SLC22A9: variants seen among roughly 807,000 people sequenced by gnomAD.
The protein encoded by SLC22A9 is solute carrier family 22 member 9.
A neutral mutation model predicts 50.1 loss-of-function variants in SLC22A9; 64 were observed. That is an observed-to-expected ratio of 1.28 (90% CI 1.04 to 1.57). The LOEUF (loss-of-function observed/expected upper bound fraction) is 1.57. Among genes scored for constraint, SLC22A9 ranks in the 40% most tolerant of loss-of-function variants. The pLI, the probability that SLC22A9 is intolerant of heterozygous loss-of-function variation, is 0.00. For missense variants in SLC22A9, 757 were observed against 676.1 expected (o/e 1.12, Z -1.33); for synonymous variants, 261 against 242.5 (o/e 1.08, Z -0.71).
At chr11:63,389,407 C>T (rs1027546012) in intron 6 of SLC22A9, among the ~76,000 whole-genome samples, 6 of 151,984 alleles carry the variant, frequency 3.9e-5, no homozygotes, top group East Asian at 3.9e-4. Flanking sequence ...GTTCAACTCC[C>T]GCTTATGAGC....
rs2015111004 is a variant in SLC22A9 at position 63,409,951 on chromosome 11, A to C, written c.*89A>C. 1 of 1,479,764 alleles carries C rather than the reference A, an allele frequency of 6.8e-7. No homozygotes were observed. The allele number at this position is 1,479,764 out of a possible 1,614,324, so 91.7% of individuals were successfully genotyped here. ...AGACACTAGCAAAATCTAGAAAATA[A>C]ATAACAAGGCTGGGTGCGGTGGCTC... On this transcript the variant is annotated 3_prime_UTR_variant, in exon 10 of 10. Coordinates refer to ENST00000279178, the MANE Select transcript of SLC22A9 (RefSeq NM_080866.3).
Position 63,369,958 on chromosome 11 carries a change from A to T in SLC22A9, c.-99A>T. 2.4e-6 allele frequency: 3 copies of T among 1,224,920 alleles called. No individual in the cohort carries two copies. The highest frequency in any genetic ancestry group is 3.4e-6 in the Non-Finnish European group (3 of 881,232). The allele number at this position is 1,224,920 out of a possible 1,614,324, so 75.9% of individuals were successfully genotyped here. A position where few individuals can be genotyped will look rare whatever the true frequency, so the allele number is the denominator to read the frequency against. ...AAGAGAGTGGGGTCAGGATCAAAAC[A>T]CATTTAGTGTGACTTAGGGAAAGAA... On this transcript the variant is annotated 5_prime_UTR_variant, in exon 1 of 10. Transcript: ENST00000279178.
At position 63,406,517 on chromosome 11, in the gene SLC22A9, A is replaced by G. The variant is rs1450881799; in HGVS notation, c.1094A>G (p.Tyr365Cys). 1.2e-6 allele frequency: 2 copies of G among 1,613,432 alleles called. No homozygotes were observed. The highest frequency in any genetic ancestry group is 2.7e-5 in the African/African-American group (2 of 74,844). ...SFTRFANFMA[Y>C]FGLNLHVQHL... ...CACAGATTTGCAAACTTTATGGCCT[A>G]TTTTGGCCTTAATCTCCATGTCCAG... Residue 365 changes from tyrosine (Y) to cysteine (C), a missense_variant, in exon 7 of 10, where the codon TAT (tyrosine) becomes TGT (cysteine). Tyr to Cys is a radical substitution (Grantham distance 194, BLOSUM62 -2). Transcript: ENST00000279178.
intron 5 of SLC22A9, among the ~76,000 whole-genome samples, chr11:63,381,561 C>T (rs1182450914): frequency 2.0e-5 from 3 of 152,090 alleles, no homozygotes; most frequent in Non-Finnish European, 4.4e-5. Context: ...AATCAAGTAA[C>T]TCAGTTCTTT....
At chr11:63,387,995 G>A (rs2014698623) in intron 6 of SLC22A9, among the ~76,000 whole-genome samples, 1 of 151,918 alleles carries the variant, frequency 6.6e-6, no homozygotes. Flanking sequence ...TGTTGATTTT[G>A]TATCCTGCAG....
At chr11:63,385,478 G>A (rs1409781128) in intron 6 of SLC22A9, among the ~76,000 whole-genome samples, 1 of 151,970 alleles carries the variant, frequency 6.6e-6, no homozygotes, top group Non-Finnish European at 1.5e-5. Context: ...TTGAGCAGTG[G>A]TTTGTAGTTC....
At chr11:63,405,941 C>T (rs565695986) in intron 6 of SLC22A9, among the ~76,000 whole-genome samples, 2 of 152,288 alleles carry the variant, frequency 1.3e-5, no homozygotes, top group Admixed American at 1.3e-4. Flanking sequence ...CATCGTCTTA[C>T]CATCATTTTA....
Position 63,370,227 on chromosome 11 carries a change from C to T in SLC22A9, c.171C>T (p.Asp57=). Residue 57 remains aspartate, a synonymous_variant, in exon 1 of 10, where the codon GAC becomes GAT. Coordinates refer to ENST00000279178, the MANE Select transcript of SLC22A9 (RefSeq NM_080866.3). ...HRCWVHILDN[D]TVSDNDTGAL... ...GCTGGGTCCACATCCTGGACAATGA[C>T]ACTGTCTCTGACAATGACACTGGGG... 1 of 1,614,084 alleles carries T rather than the reference C, an allele frequency of 6.2e-7. No homozygotes were observed. Among genetic ancestry groups the T allele is most frequent in the South Asian group, 1.1e-5 (1 of 91,080 alleles).
intron 2 of SLC22A9, 56 bp from the exon 3 acceptor site, chr11:63,373,588 A>G: frequency 6.9e-7 from 1 of 1,452,104 alleles, no homozygotes; most frequent in Non-Finnish European, 9.1e-7. Flanking sequence ...TCTCTTTGCT[A>G]AGTTTTTCCA....
Position 63,407,596 on chromosome 11 carries a change from T to C in SLC22A9, c.1289-516T>C, listed in dbSNP as rs191414574. On this transcript the variant is annotated intron_variant, in intron 7 of 9. Transcript: ENST00000279178. The stretch of plus-strand genomic sequence containing the variant: ...TTCCTCTTTTCGAGGTCCTTATTCC[T>C]AATCCTTAAAACATTAATACTCTCT... Among the ~76,000 whole-genome samples, 20 of 152,322 alleles carry C rather than the reference T, an allele frequency of 1.3e-4. No homozygotes were observed. The East Asian group carries it at 2.7e-3, about 21-fold the overall frequency.
At chr11:63,377,714 C>G (rs1263150809) in intron 5 of SLC22A9, among the ~76,000 whole-genome samples, 5 of 151,932 alleles carry the variant, frequency 3.3e-5, no homozygotes, top group Non-Finnish European at 5.9e-5. Flanking sequence ...CAAAGCTGAA[C>G]TGAGTGAAAT....
intron 6 of SLC22A9, among the ~76,000 whole-genome samples, chr11:63,401,017 C>G (rs753289725): frequency 6.6e-6 from 1 of 151,942 alleles, no homozygotes; most frequent in African/African-American, 2.4e-5. Flanking sequence ...ACAATAAGAT[C>G]ATATGTAACA....
chr11:63,395,108 T>A (rs912998965), intron 6 of SLC22A9, among the ~76,000 whole-genome samples: 5 of 152,160 alleles, frequency 3.3e-5, no homozygotes, highest in African/African-American at 1.2e-4. Context: ...TTTTTCTTTA[T>A]GCTATCTATT....
At chr11:63,395,295 G>A (rs2014833994) in intron 6 of SLC22A9, among the ~76,000 whole-genome samples, 1 of 151,970 alleles carries the variant, frequency 6.6e-6, no homozygotes, top group Non-Finnish European at 1.5e-5. Context: ...GTGTAATGTT[G>A]GGGGGTTGTT....
chr11:63,374,987 GAAAGACAT>G (rs2014435234), intron 4 of SLC22A9, among the ~76,000 whole-genome samples: 6 of 152,250 alleles, frequency 3.9e-5, no homozygotes, highest in African/African-American at 1.4e-4. Context: ...CCAGTTCAGT[GAAAGACAT>G]CTATTTGGAC....
chr11:63,398,140 T>C (rs2014892091), intron 6 of SLC22A9, among the ~76,000 whole-genome samples: 1 of 152,174 alleles, frequency 6.6e-6, no homozygotes, highest in Admixed American at 6.5e-5. Context: ...TTCAAGGCAG[T>C]ACGTTTCCTT....
rs1269515853 is a variant in SLC22A9 at position 63,408,769 on chromosome 11, G to C, written c.1491G>C (p.Leu497=). Residue 497 remains leucine (L), a synonymous_variant, in exon 9 of 10, where the codon CTG becomes CTC. Transcript: ENST00000279178. ...TCCTAAGTGTGTATTCTCCACCCCT[G>C]CCCTGGATCATCTATGGAGTCTTCC... The part of the protein sequence containing the change: ...MMILSVYSPP[L]PWIIYGVFPF... 2.5e-6 allele frequency: 4 copies of C among 1,613,834 alleles called. No individual in the cohort carries two copies. The highest frequency in any genetic ancestry group is 2.5e-6 in the Non-Finnish European group (3 of 1,179,934).
Position 63,408,185 on chromosome 11 carries a change from T to C in SLC22A9, c.1362T>C (p.Phe454=), listed in dbSNP as rs1458908474. ...GASALANTLA[F]AHGNEVIPTI... Reference sequence around the variant, plus strand: ...CTGCTCTTGCCAATACCCTTGCTTTTGCCCATGGAAATGAAGTAATTCCCA... The same window carrying C: ...CTGCTCTTGCCAATACCCTTGCTTTCGCCCATGGAAATGAAGTAATTCCCA... The change falls in exon 8 of 10, where the codon TTT becomes TTC. Residue 454 remains phenylalanine, a synonymous_variant. Coordinates refer to ENST00000279178, the MANE Select transcript of SLC22A9 (RefSeq NM_080866.3). 1.2e-6 allele frequency: 2 copies of C among 1,613,748 alleles called. No homozygotes were observed. Among genetic ancestry groups the C allele is most frequent in the South Asian group, 2.2e-5 (2 of 91,070 alleles).
chr11:63,394,845 T>G (rs1235898180), intron 6 of SLC22A9, among the ~76,000 whole-genome samples: 1 of 152,174 alleles, frequency 6.6e-6, no homozygotes, highest in Non-Finnish European at 1.5e-5. Context: ...TTTCTCTTCT[T>G]ACTCAGGAAC....
Sources: allele counts gnomAD v4.1 joint callset (sites outside exome capture counted in the v4.1 genomes callset), GRCh38; gene constraint gnomAD v4.1.1; transcripts MANE v1.5; gene names NCBI Gene and HGNC (gene_info 2026-07-23, HGNC 2026-07-21).